Variants in PKNOX2 observed in about 807,000 individuals in gnomAD.
PKNOX2 encodes the protein PBX/knotted 1 homeobox 2.
A neutral mutation model predicts 53.1 loss-of-function variants in PKNOX2; 14 were observed. The ratio of observed to expected loss-of-function variants is 0.26; its 90% confidence interval spans 0.17 to 0.41. The LOEUF (loss-of-function observed/expected upper bound fraction) is 0.41. Ranked by LOEUF, PKNOX2 falls within the 10% of genes least tolerant of loss-of-function variation. The pLI is 1.00. For synonymous variants in PKNOX2, 257 were observed against 242.8 expected, an observed-to-expected ratio of 1.06 and a Z score of -0.54; for missense variants, 496 against 602.8, an observed-to-expected ratio of 0.82 and a Z score of 1.85.
intron 6 of PKNOX2, among the ~76,000 whole-genome samples, chr11:125,391,275 A>G (rs1224519735): frequency 6.6e-6 from 1 of 152,192 alleles, no homozygotes; most frequent in Non-Finnish European, 1.5e-5. Context: ...ACGAGACTCA[A>G]ATGAGATAAT....
At chr11:125,360,710 C>T (rs1951878104) in intron 4 of PKNOX2, among the ~76,000 whole-genome samples, 1 of 152,216 alleles carries the variant, frequency 6.6e-6, no homozygotes, top group African/African-American at 2.4e-5. Flanking sequence ...AGAGAAACAA[C>T]AGCAGCCAGC....
chr11:125,290,889 T>C (rs1318330359), intron 2 of PKNOX2, among the ~76,000 whole-genome samples: 3 of 151,822 alleles, frequency 2.0e-5, no homozygotes, highest in African/African-American at 7.3e-5. Flanking sequence ...GAGTGTCATA[T>C]GGGGGATGCA....
chr11:125,361,406 T>C (rs528993330), intron 4 of PKNOX2, among the ~76,000 whole-genome samples: 1 of 152,286 alleles, frequency 6.6e-6, no homozygotes, highest in South Asian at 2.1e-4. Context: ...CTCGCCTATT[T>C]TTCAGATGAG....
At chr11:125,368,899 C>G (rs960367686) in intron 5 of PKNOX2, among the ~76,000 whole-genome samples, 1 of 152,220 alleles carries the variant, frequency 6.6e-6, no homozygotes, top group Admixed American at 6.5e-5. Context: ...AGGCTTGACC[C>G]TTGCTCATAT....
At chr11:125,217,411 C>T (rs1490654478) in intron 1 of PKNOX2, among the ~76,000 whole-genome samples, 6 of 152,318 alleles carry the variant, frequency 3.9e-5, no homozygotes, top group Admixed American at 2.0e-4. Flanking sequence ...CAGATCTTCA[C>T]GCTTCCACGT....
At chr11:125,313,828 G>A (rs61684908) in intron 2 of PKNOX2, among the ~76,000 whole-genome samples, 6,800 of 152,310 alleles carry the variant, frequency 0.045, 442 homozygotes, top group African/African-American at 0.14. Flanking sequence ...GCCACATGGT[G>A]TCCATGGTAT....
At chr11:125,299,280 C>T (rs1175456260) in intron 2 of PKNOX2, among the ~76,000 whole-genome samples, 1 of 152,216 alleles carries the variant, frequency 6.6e-6, no homozygotes, top group African/African-American at 2.4e-5. Flanking sequence ...CCAGCCCCAC[C>T]TCCGACACTG....
Position 125,264,340 on chromosome 11 carries a change from A to G in PKNOX2, c.-130+29225A>G, listed in dbSNP as rs910287885. On this transcript the variant is annotated intron_variant, in intron 2 of 12. Transcript: ENST00000298282. ...TGGATGATGCTAGAGCTCCTTCCCC[A>G]GATCCCTTGGAATGCAGCTCAGGCT... Among the ~76,000 whole-genome samples the G allele has an allele frequency of 2.6e-5, 4 of 152,324 alleles. No homozygotes were observed. The East Asian group carries it at 5.8e-4, about 22-fold the overall frequency.
intron 2 of PKNOX2, among the ~76,000 whole-genome samples, chr11:125,239,395 C>T (rs1197581268): frequency 6.6e-6 from 1 of 152,122 alleles, no homozygotes; most frequent in Non-Finnish European, 1.5e-5. Flanking sequence ...GGAAACAGCT[C>T]TCAAAAACAG....
intron 1 of PKNOX2, among the ~76,000 whole-genome samples, chr11:125,234,834 G>A (rs1268296599): frequency 1.3e-5 from 2 of 152,084 alleles, no homozygotes; most frequent in Admixed American, 6.5e-5. Flanking sequence ...TGAACCTCTC[G>A]CTCTGCCCTG....
At chr11:125,291,454 C>G (rs1947299142) in intron 2 of PKNOX2, among the ~76,000 whole-genome samples, 2 of 152,210 alleles carry the variant, frequency 1.3e-5, no homozygotes, top group Admixed American at 1.3e-4. Flanking sequence ...AGAGCACAGA[C>G]TGAGTCATCT....
intron 4 of PKNOX2, among the ~76,000 whole-genome samples, chr11:125,357,409 G>T (rs140689518): frequency 1.3e-5 from 2 of 152,110 alleles, no homozygotes; most frequent in Admixed American, 6.5e-5. Context: ...CTACTGGCCT[G>T]GTCTAGGTAT....
chr11:125,230,152 T>G (rs2135545493), intron 1 of PKNOX2, among the ~76,000 whole-genome samples: 1 of 152,328 alleles, frequency 6.6e-6, no homozygotes, highest in Non-Finnish European at 1.5e-5. Flanking sequence ...CACAGGGGGC[T>G]GAGGACTAGT....
chr11:125,339,991 C>T (rs1000217287), intron 3 of PKNOX2, among the ~76,000 whole-genome samples: 3 of 152,224 alleles, frequency 2.0e-5, no homozygotes, highest in East Asian at 1.9e-4. Context: ...TCGTCTCAGT[C>T]GTATTATGTT....
At chr11:125,287,485 T>C (rs1946979586) in intron 2 of PKNOX2, among the ~76,000 whole-genome samples, 1 of 152,202 alleles carries the variant, frequency 6.6e-6, no homozygotes, top group African/African-American at 2.4e-5. Context: ...AAACAGAGCC[T>C]GACTCCTCTG....
At chr11:125,349,286 G>A (rs1315287779) in intron 3 of PKNOX2, among the ~76,000 whole-genome samples, 1 of 151,776 alleles carries the variant, frequency 6.6e-6, no homozygotes, top group Non-Finnish European at 1.5e-5. Flanking sequence ...GGCTCTCTGG[G>A]ATGCTGACCA....
intron 2 of PKNOX2, among the ~76,000 whole-genome samples, chr11:125,327,734 G>A (rs570559114): frequency 6.6e-6 from 1 of 152,198 alleles, no homozygotes; most frequent in African/African-American, 2.4e-5. Context: ...ATTGCTGGCA[G>A]TGACAGGAAG....
At position 125,324,214 on chromosome 11, in the gene PKNOX2, T is replaced by G. The variant is rs143583460; in HGVS notation, c.-129-7605T>G. Among the ~76,000 whole-genome samples, 579 of 152,312 alleles carry G rather than the reference T, an allele frequency of 3.8e-3. 2 individuals carry two copies. The highest frequency in any genetic ancestry group is 0.013 in the African/African-American group (546 of 41,578). On this transcript the variant is annotated intron_variant, in intron 2 of 12. Coordinates refer to ENST00000298282, the MANE Select transcript of PKNOX2 (RefSeq NM_001382323.2). ...AGGCAGGTGGACTCCACCCTTTCCC[T>G]TCACCCCTTAACCAGTTTTCTTTGG...
intron 2 of PKNOX2, among the ~76,000 whole-genome samples, chr11:125,285,167 T>G (rs1190400525): frequency 6.6e-6 from 1 of 151,970 alleles, no homozygotes; most frequent in Admixed American, 6.6e-5. Context: ...AGCTGAGAAC[T>G]CAAGGCTAGG....
Sources: gnomAD v4.1 joint callset for allele counts (sites outside exome capture counted in the v4.1 genomes callset) on GRCh38, gnomAD v4.1.1 for gene constraint, MANE v1.5 for transcripts, NCBI Gene and HGNC (gene_info 2026-07-23, HGNC 2026-07-21) for gene names.